Variants in TECR observed in about 807,000 individuals in gnomAD.
The protein encoded by TECR is very-long-chain enoyl-CoA reductase.
A neutral mutation model predicts 50.6 loss-of-function variants in TECR; 19 were observed. That is an observed-to-expected ratio of 0.38 (90% CI 0.26 to 0.55). The LOEUF (loss-of-function observed/expected upper bound fraction) is 0.55, where lower values mean the gene tolerates loss of function less well. TECR is among the 20% of genes least tolerant of loss of function. The probability of loss-of-function intolerance (pLI) is 0.79; values close to 1 mark genes in which losing one functional copy is unlikely to be tolerated. For synonymous variants in TECR, 168 were observed against 163.5 expected (o/e 1.03, Z -0.21); for missense variants, 313 against 408.3 (o/e 0.77, Z 2.01).
Position 14,563,938 on chromosome 19 carries a change from G to A in TECR, c.267+35G>A, listed in dbSNP as rs1228198294. 1.6e-5 allele frequency: 26 copies of A among 1,613,944 alleles called. No individual in the cohort carries two copies. Among genetic ancestry groups the A allele is most frequent in the Non-Finnish European group, 2.0e-5 (24 of 1,179,870 alleles). Reference sequence around the variant, plus strand: ...GACCCTACCCACGGCCTCTTTTCCCGTCAGCCACGTTGGGTGACTCATCTT... The same window carrying A: ...GACCCTACCCACGGCCTCTTTTCCCATCAGCCACGTTGGGTGACTCATCTT... On this transcript the variant is annotated intron_variant, in intron 5 of 12. Transcript: ENST00000215567. This position sits in a 1 kb window ranked among gnomAD's most constrained non-coding sequence, Gnocchi z 5.3.
intron 1 of TECR, among the ~76,000 whole-genome samples, chr19:14,533,264 T>G (rs1356909952): frequency 2.6e-5 from 4 of 151,178 alleles, no homozygotes; most frequent in African/African-American, 9.7e-5. Context: ...CTACAAAAAA[T>G]AAAAAATTAG....
At chr19:14,538,402 C>T (rs540926484) in intron 1 of TECR, among the ~76,000 whole-genome samples, 108 of 152,186 alleles carry the variant, frequency 7.1e-4, no homozygotes, top group African/African-American at 2.5e-3. Flanking sequence ...GCTTCGCGGC[C>T]CACAGGCAGG....
intron 1 of TECR, among the ~76,000 whole-genome samples, chr19:14,542,428 C>G (rs1426885257): frequency 1.5e-5 from 2 of 131,384 alleles, no homozygotes; most frequent in Non-Finnish European, 3.1e-5. Context: ...GTGGTGCAAT[C>G]TCGGCTCACT....
chr19:14,562,479 C>A (rs2073932552), intron 1 of TECR, 46 bp from the exon 2 acceptor site: 3 of 1,613,328 alleles, frequency 1.9e-6, no homozygotes, highest in Non-Finnish European at 2.5e-6. Flanking sequence ...GGCCCACACC[C>A]CCAAAGGTGG....
chr19:14,563,264 T>G lies in TECR; in HGVS notation c.118+7T>G. 6.2e-7 allele frequency: 1 copy of G among 1,611,038 alleles called. No homozygotes were observed. The highest frequency in any genetic ancestry group is 8.5e-7 in the Non-Finnish European group (1 of 1,177,472). On this transcript the variant is annotated splice_region_variant and intron_variant, in intron 3 of 12. Transcript: ENST00000215567. This position sits in a 1 kb window ranked among gnomAD's most constrained non-coding sequence, Gnocchi z 5.3. ...AACCTCTTCACTAAGACCCGTGAGT[T>G]CTAGTCCCGGCCACACTGCCCCTGC... is the stretch of plus-strand genomic sequence containing the variant.
chr19:14,545,587 C>T (rs901651162), intron 1 of TECR: 4 of 196,262 alleles, frequency 2.0e-5, no homozygotes, highest in Admixed American at 5.5e-5. Context: ...GCTCTTGTTA[C>T]ACCCGCCTGA....
At chr19:14,556,482 G>A (rs1263615832) in intron 1 of TECR, among the ~76,000 whole-genome samples, 1 of 150,984 alleles carries the variant, frequency 6.6e-6, no homozygotes, top group African/African-American at 2.4e-5. Flanking sequence ...CACAACTCTT[G>A]GTGACAAAAC....
At chr19:14,530,111 C>T (rs534976143) in intron 1 of TECR, 2 of 330,416 alleles carry the variant, frequency 6.1e-6, no homozygotes, top group East Asian at 7.4e-5. Context: ...TAGGAAGGGG[C>T]TTTGCTATCA....
At chr19:14,545,022 A>G (rs1275430381) in intron 1 of TECR, 5 of 450,544 alleles carry the variant, frequency 1.1e-5, no homozygotes, top group Non-Finnish European at 2.2e-5. Flanking sequence ...TCCCTGGTCC[A>G]AGCACCTGAG....
At chr19:14,543,301 G>GGT (rs146995590) in intron 1 of TECR, among the ~76,000 whole-genome samples, 3 of 133,058 alleles carry the variant, frequency 2.3e-5, no homozygotes, top group Admixed American at 7.9e-5. Context: ...GTGGGGTGGG[G>GGT]GTGTGTGTGT....
At chr19:14,564,563 G>A in intron 7 of TECR, 2 of 174,250 alleles carry the variant, frequency 1.1e-5, no homozygotes, top group Non-Finnish European at 1.1e-5. Context: ...CGCCCCTGCA[G>A]AGCCCCGCCC....
At position 14,555,878 on chromosome 19, in the gene TECR, G is replaced by A. The variant is rs543106733; in HGVS notation, c.16-6647G>A. On this transcript the variant is annotated intron_variant, in intron 1 of 12. Coordinates refer to ENST00000215567, the MANE Select transcript of TECR (RefSeq NM_138501.6). The stretch of plus-strand genomic sequence containing the variant: ...TGGGATTCCAGGCGTGAGCCACTGC[G>A]CCCAGCCCACTTTTCACCTCTCTAT... Among the ~76,000 whole-genome samples the A allele has an allele frequency of 8.5e-5, 13 of 152,168 alleles. No individual in the cohort carries two copies. In the South Asian group the frequency reaches 2.3e-3, roughly 27 times the overall value.
intron 1 of TECR, among the ~76,000 whole-genome samples, chr19:14,535,967 G>A (rs1599417201): frequency 6.6e-6 from 1 of 152,094 alleles, no homozygotes; most frequent in East Asian, 1.9e-4. Context: ...TGTCCTGGCT[G>A]TAGCTTTGTA....
upstream of TECR, chr19:14,529,412 C>G (rs1276979747): frequency 5.1e-6 from 3 of 590,374 alleles, no homozygotes; most frequent in Admixed American, 8.5e-5. Context: ...CTCTTTAGCC[C>G]CTCCTACAGG....
At chr19:14,545,292 T>C in intron 1 of TECR, 1 of 443,368 alleles carries the variant, frequency 2.3e-6, no homozygotes, top group Non-Finnish European at 4.5e-6. Context: ...CAAAGCTCTG[T>C]GCTACCCCAG....
In TECR at chr19:14,565,953, G is replaced by A. The variant is rs1374769490; in HGVS notation, c.*82G>A. On this transcript the variant is annotated 3_prime_UTR_variant, in exon 13 of 13. Coordinates refer to ENST00000215567, the MANE Select transcript of TECR (RefSeq NM_138501.6). Reference sequence around the variant, plus strand: ...TGGGGCCCACAGCTCTCCAGCACCCGGAATAAAGCCCGCCTGCCCCAGTCG... The same window carrying A: ...TGGGGCCCACAGCTCTCCAGCACCCAGAATAAAGCCCGCCTGCCCCAGTCG... 1.3e-6 allele frequency: 2 copies of A among 1,546,210 alleles called. No homozygotes were observed. Among genetic ancestry groups the A allele is most frequent in the Non-Finnish European group, 1.7e-6 (2 of 1,146,186 alleles).
chr19:14,544,238 C>T (rs889320430), intron 1 of TECR, among the ~76,000 whole-genome samples: 3 of 151,884 alleles, frequency 2.0e-5, no homozygotes, highest in Non-Finnish European at 4.4e-5. Flanking sequence ...CTTGTCACCT[C>T]ATGTTTGAGT....
chr19:14,547,018 CA>C (rs1198114547), intron 1 of TECR, among the ~76,000 whole-genome samples: 1 of 152,154 alleles, frequency 6.6e-6, no homozygotes, highest in African/African-American at 2.4e-5. Flanking sequence ...TCAATTTGAT[CA>C]ACATGATAGG....
At chr19:14,545,374 T>C (rs1334512955) in intron 1 of TECR, among the ~76,000 whole-genome samples, 1 of 152,106 alleles carries the variant, frequency 6.6e-6, no homozygotes, top group Non-Finnish European at 1.5e-5. Flanking sequence ...AGCAGGGTCC[T>C]CCCGGGCACA....
Sources: gnomAD v4.1 joint callset for allele counts (sites outside exome capture counted in the v4.1 genomes callset) on GRCh38, gnomAD v4.1.1 for gene constraint, Gnocchi (gnomAD v3.1) non-coding constraint, MANE v1.5 for transcripts, NCBI Gene and HGNC (gene_info 2026-07-23, HGNC 2026-07-21) for gene names.